Variants in UGT1A10 observed in about 807,000 individuals in gnomAD.
The protein encoded by UGT1A10 is UDP glucuronosyltransferase family 1 member A10, also known as UDP-glucuronosyltransferase 1A10.
UGT1A10 carries 49 observed loss-of-function variants against 45.8 expected under a neutral mutation model. The observed-to-expected ratio is 1.07, with a 90% CI of 0.85 to 1.36. UGT1A10 has a LOEUF of 1.36. UGT1A10 is among the 40% of genes most tolerant of loss of function. The probability of loss-of-function intolerance (pLI) is 0.00; values close to 1 mark genes in which losing one functional copy is unlikely to be tolerated. For synonymous variants in UGT1A10, 284 were observed against 249.7 expected, an observed-to-expected ratio of 1.14 and a Z score of -1.29; for missense variants, 745 against 668.6, an observed-to-expected ratio of 1.11 and a Z score of -1.26.
In UGT1A10 at chr2:233,769,701, C is replaced by A. The variant is rs2126047704; in HGVS notation, c.1295+1262C>A. 1 of 1,525,142 alleles carries A rather than the reference C, an allele frequency of 6.6e-7. No homozygotes were observed. The highest frequency in any genetic ancestry group is 2.0e-5 in the Admixed American group (1 of 50,446). 94.5% of individuals were successfully genotyped at this position (1,525,142 alleles called of 1,614,324 possible). On this transcript the variant is annotated intron_variant, in intron 4 of 4. Transcript: ENST00000344644. This position sits in a 1 kb window ranked among gnomAD's most constrained non-coding sequence, Gnocchi z 4.4. ...TGTGTGGTGGCACTGGATAAAAGAT[C>A]AATGTTGGCTAGGCACCATGGCACA...
intron 1 of UGT1A10, among the ~76,000 whole-genome samples, chr2:233,728,491 C>T (rs2077722476): frequency 6.6e-6 from 1 of 152,140 alleles, no homozygotes; most frequent in South Asian, 2.1e-4. Flanking sequence ...ACATCTTGAG[C>T]TCAGCCTCCC....
intron 1 of UGT1A10, chr2:233,689,768 C>T (rs950157324): frequency 9.8e-6 from 3 of 307,510 alleles, no homozygotes; most frequent in Non-Finnish European, 1.9e-5. Context: ...AAAAACAACT[C>T]GGGGACATAT....
At chr2:233,693,986 G>A (rs1011287666) in intron 1 of UGT1A10, 45 of 1,542,954 alleles carry the variant, frequency 2.9e-5, no homozygotes, top group Non-Finnish European at 3.8e-5. Flanking sequence ...GTGGGGGGAA[G>A]TGATACCCGG....
intron 1 of UGT1A10, among the ~76,000 whole-genome samples, chr2:233,700,813 C>T (rs1389700095): frequency 6.6e-6 from 1 of 151,890 alleles, no homozygotes; most frequent in African/African-American, 2.4e-5. Context: ...TGTTGGTGTG[C>T]TGCACCCATT....
At chr2:233,760,234 A>ATG in intron 1 of UGT1A10, 1 of 1,136,914 alleles carries the variant, frequency 8.8e-7, no homozygotes, top group South Asian at 1.5e-5. Context: ...GGTTTTTGCC[A>ATG]TATATATATA....
intron 1 of UGT1A10, among the ~76,000 whole-genome samples, chr2:233,650,769 CTAG>C (rs1172042878): frequency 7.2e-5 from 11 of 152,176 alleles, no homozygotes; most frequent in Admixed American, 7.2e-4. Context: ...GTGCCTCAAA[CTAG>C]ATCCTATTCA....
intron 1 of UGT1A10, among the ~76,000 whole-genome samples, chr2:233,751,881 A>G (rs553534557): frequency 1.3e-5 from 2 of 152,290 alleles, no homozygotes; most frequent in African/African-American, 4.8e-5. Context: ...CGTCTTGGGT[A>G]TGTCTTTATA....
intron 1 of UGT1A10, chr2:233,718,641 G>A: frequency 6.8e-7 from 1 of 1,475,748 alleles, no homozygotes; most frequent in Non-Finnish European, 9.1e-7. Context: ...CCAGGGTTGG[G>A]CCCATAACGA....
rs767667233 is a variant in UGT1A10, at chr2:233,769,803, C to T, written c.1295+1364C>T. ...CCAGAAGTTGGAGGCTGCTATGAGC[C>T]GTGATCATGCCACTGCACTCCAGCA... On this transcript the variant is annotated intron_variant, in intron 4 of 4. Coordinates refer to ENST00000344644, the MANE Select transcript of UGT1A10 (RefSeq NM_019075.4). This position sits in a 1 kb window ranked among gnomAD's most constrained non-coding sequence, Gnocchi z 4.4. 8.1e-6 allele frequency: 9 copies of T among 1,113,138 alleles called. No homozygotes were observed. Among genetic ancestry groups the T allele is most frequent in the Admixed American group, 3.0e-5 (1 of 33,080 alleles). 69.0% of individuals were successfully genotyped at this position (1,113,138 alleles called of 1,614,324 possible).
chr2:233,649,154 A>G (rs2125474017), intron 1 of UGT1A10: 2 of 525,698 alleles, frequency 3.8e-6, no homozygotes, highest in Non-Finnish European at 5.7e-6. Context: ...GTAAAAAATT[A>G]TTTTGTGCCA....
chr2:233,721,696 T>C (rs1281841318), intron 1 of UGT1A10: 6 of 355,902 alleles, frequency 1.7e-5, no homozygotes, highest in Non-Finnish European at 2.8e-5. Flanking sequence ...GCAAGACGCA[T>C]GGCTCATCTT....
intron 1 of UGT1A10, chr2:233,729,388 G>T: frequency 1.2e-6 from 2 of 1,613,884 alleles, no homozygotes; most frequent in Non-Finnish European, 1.7e-6. Context: ...GACCCAGGAT[G>T]AATTTGATCG....
intron 1 of UGT1A10, among the ~76,000 whole-genome samples, chr2:233,716,738 T>C (rs764631282): frequency 1.3e-5 from 2 of 152,172 alleles, no homozygotes; most frequent in Non-Finnish European, 2.9e-5. Context: ...TTTAGCTCTG[T>C]GAGATTGGGA....
chr2:233,670,882 A>C (rs563109203), intron 1 of UGT1A10, among the ~76,000 whole-genome samples: 7 of 152,236 alleles, frequency 4.6e-5, no homozygotes, highest in Non-Finnish European at 8.8e-5. Context: ...TGATAGAACC[A>C]ATCCAGAAAA....
intron 1 of UGT1A10, among the ~76,000 whole-genome samples, chr2:233,727,335 C>T (rs1297453544): frequency 1.3e-5 from 2 of 152,170 alleles, no homozygotes; most frequent in Admixed American, 1.3e-4. Context: ...GAGCTCCTCC[C>T]TCCCCATAGT....
chr2:233,743,980 GGC>G, intron 1 of UGT1A10: 1 of 1,302,864 alleles, frequency 7.7e-7, no homozygotes, highest in South Asian at 1.3e-5. Context: ...CCAGCACCCA[GGC>G]GCAGGCCCGA....
intron 1 of UGT1A10, among the ~76,000 whole-genome samples, chr2:233,639,147 TA>T (rs1197647104): frequency 1.3e-5 from 2 of 152,196 alleles, no homozygotes; most frequent in East Asian, 1.9e-4. Context: ...GGGATATCTA[TA>T]AAAAATGAAA....
chr2:233,719,100 C>T, intron 1 of UGT1A10: 1 of 1,614,270 alleles, frequency 6.2e-7, no homozygotes, highest in East Asian at 2.2e-5. Flanking sequence ...TCGCGTTACG[C>T]TGGGCTACAC....
At chr2:233,719,662 G>C (rs769254543) in intron 1 of UGT1A10, 50 of 1,613,974 alleles carry the variant, frequency 3.1e-5, no homozygotes, top group Non-Finnish European at 4.0e-5. Context: ...GGCATCAACT[G>C]TGCCAACGGG....
Sources: allele counts gnomAD v4.1 joint callset (sites outside exome capture counted in the v4.1 genomes callset), GRCh38; gene constraint gnomAD v4.1.1; non-coding constraint Gnocchi (gnomAD v3.1); transcripts MANE v1.5; gene names NCBI Gene and HGNC (gene_info 2026-07-23, HGNC 2026-07-21).